BANK1: variants seen among roughly 807,000 people sequenced by gnomAD.
BANK1 encodes B-cell scaffold protein with ankyrin repeats.
In BANK1, 95 loss-of-function variants were observed where a neutral mutation model predicts 94.5. The observed-to-expected ratio is 1.00, with a 90% CI of 0.85 to 1.19. The LOEUF (loss-of-function observed/expected upper bound fraction) is 1.19. Among genes scored for constraint, BANK1 ranks in the 50% most tolerant of loss-of-function variants. The pLI, the probability that BANK1 is intolerant of heterozygous loss-of-function variation, is 0.00. For missense variants in BANK1, 987 were observed against 932.2 expected, an observed-to-expected ratio of 1.06 and a Z score of -0.77; for synonymous variants, 334 against 308.4, an observed-to-expected ratio of 1.08 and a Z score of -0.87.
At position 102,058,809 on chromosome 4, in the gene BANK1, T is replaced by TA. The variant is rs1000373192; in HGVS notation, c.1970-1392dup. On this transcript the variant is annotated intron_variant, in intron 11 of 16. Transcript: ENST00000322953. Reference sequence around the variant, plus strand: ...ATGGAAATGGTGAGAAGGGAAAAAGTAAAAAAAAAATAATAATAATAAAAA... The same window carrying TA: ...ATGGAAATGGTGAGAAGGGAAAAAGTAAAAAAAAAAATAATAATAATAAAAA... 7.0e-4 allele frequency among the ~76,000 whole-genome samples: 101 copies of TA among 144,728 alleles called. 1 individual carries two copies. The highest frequency in any genetic ancestry group is 2.8e-3 in the East Asian group (14 of 4,990). 94.9% of individuals were successfully genotyped at this position (144,728 alleles called of 152,430 possible). A position where few individuals can be genotyped will look rare whatever the true frequency, so the allele number is the denominator to read the frequency against.
intron 7 of BANK1, among the ~76,000 whole-genome samples, chr4:101,986,978 T>G (rs1204851227): frequency 1.2e-5 from 1 of 82,006 alleles, no homozygotes; most frequent in Admixed American, 1.2e-4. Context: ...AACCTCAACT[T>G]GTCTAGAAAG....
At chr4:102,021,085 T>A (rs1726881398) in intron 7 of BANK1, among the ~76,000 whole-genome samples, 1 of 152,166 alleles carries the variant, frequency 6.6e-6, no homozygotes. Context: ...AATAAACCAC[T>A]TTATAATTTC....
At chr4:101,928,342 T>C (rs961958515) in intron 7 of BANK1, among the ~76,000 whole-genome samples, 1 of 151,424 alleles carries the variant, frequency 6.6e-6, no homozygotes, top group African/African-American at 2.4e-5. Context: ...TTCAAGAAAA[T>C]GTAGAGGAGG....
At position 101,790,866 on chromosome 4, in the gene BANK1, G is replaced by A. The variant is rs1222541859; in HGVS notation, c.-15G>A. On this transcript the variant is annotated 5_prime_UTR_variant, in exon 1 of 17. Coordinates refer to ENST00000322953, the MANE Select transcript of BANK1 (RefSeq NM_017935.5). Reference sequence around the variant, plus strand: ...CGGGCAGCAGTGCGCAGGCCCCTCGGCTTCAACCGCCACAATGCTGCCAGC... The same window carrying A: ...CGGGCAGCAGTGCGCAGGCCCCTCGACTTCAACCGCCACAATGCTGCCAGC... The A allele has an allele frequency of 2.6e-6, 4 of 1,536,720 alleles. No individual in the cohort carries two copies. Among genetic ancestry groups the A allele is most frequent in the Middle Eastern group, 1.9e-4 (1 of 5,350 alleles).
rs181662515 is a variant in BANK1, at chr4:101,821,224, T to C, written c.71-8584T>C. Among the ~76,000 whole-genome samples, 83 of 152,376 alleles carry C rather than the reference T, an allele frequency of 5.4e-4. 3 individuals carry two copies. Among genetic ancestry groups the C allele is most frequent in the East Asian group, 3.9e-3 (20 of 5,194 alleles). ...CAGTGATATTGAGGTTTTTTCCATA[T>C]GATTGTTGGCCACATGTATGTCTTC... On this transcript the variant is annotated intron_variant, in intron 1 of 16. Transcript: ENST00000322953.
chr4:102,038,295 T>C (rs1727588067), intron 10 of BANK1, among the ~76,000 whole-genome samples: 1 of 152,168 alleles, frequency 6.6e-6, no homozygotes. Context: ...CAAGTTACTT[T>C]TGATAATCAC....
At chr4:101,893,686 A>T (rs1403936765) in intron 5 of BANK1, among the ~76,000 whole-genome samples, 1 of 152,030 alleles carries the variant, frequency 6.6e-6, no homozygotes, top group Non-Finnish European at 1.5e-5. Flanking sequence ...ACTAATATAA[A>T]ATTGTGTCAT....
chr4:101,841,829 T>G (rs998157596), intron 2 of BANK1, among the ~76,000 whole-genome samples: 2 of 130,668 alleles, frequency 1.5e-5, no homozygotes, highest in Non-Finnish European at 3.1e-5. Flanking sequence ...CCTGTGTCCA[T>G]GTGTTCTCAT....
intron 1 of BANK1, among the ~76,000 whole-genome samples, chr4:101,820,388 A>T (rs1417410863): frequency 6.6e-6 from 1 of 152,206 alleles, no homozygotes; most frequent in Admixed American, 6.5e-5. Context: ...GCAACCAGTG[A>T]GGGATGTTGG....
chr4:101,802,162 C>A (rs139979022), intron 1 of BANK1, among the ~76,000 whole-genome samples: 2,997 of 152,326 alleles, frequency 0.02, 52 homozygotes, highest in South Asian at 0.041. Context: ...TCCCTTCCCA[C>A]TTTCAGTATC....
intron 7 of BANK1, among the ~76,000 whole-genome samples, chr4:101,966,297 CT>C (rs1250741887): frequency 3.3e-5 from 5 of 151,790 alleles, no homozygotes; most frequent in Non-Finnish European, 7.4e-5. Context: ...TAAAAAATAC[CT>C]GATTTTGGTT....
intron 7 of BANK1, among the ~76,000 whole-genome samples, chr4:101,949,286 T>C (rs1231856061): frequency 6.6e-6 from 1 of 152,132 alleles, no homozygotes; most frequent in Non-Finnish European, 1.5e-5. Flanking sequence ...AAAGCAAAGA[T>C]ATGCAAACTC....
intron 7 of BANK1, among the ~76,000 whole-genome samples, chr4:101,938,218 C>A (rs780757702): frequency 4.0e-5 from 6 of 151,326 alleles, no homozygotes; most frequent in Admixed American, 3.3e-4. Flanking sequence ...GCACACGTAT[C>A]CCAGAGTTTA....
intron 7 of BANK1, among the ~76,000 whole-genome samples, chr4:101,999,220 G>T (rs995220262): frequency 6.6e-6 from 1 of 152,110 alleles, no homozygotes; most frequent in African/African-American, 2.4e-5. Context: ...TAAAGCTCAT[G>T]CCCTCCAGTT....
chr4:102,040,994 A>G lies in BANK1; in HGVS notation c.1901-2845A>G, dbSNP rs192336903. ...CATCTTCTGTGCCAAGTTGGCTAGT[A>G]TTCTGGTATACAACTTTTTGGTTAC... On this transcript the variant is annotated intron_variant, in intron 10 of 16. Coordinates refer to ENST00000322953, the MANE Select transcript of BANK1 (RefSeq NM_017935.5). Among the ~76,000 whole-genome samples the G allele has an allele frequency of 1.3e-3, 193 of 152,198 alleles. 2 individuals carry two copies. Among genetic ancestry groups the G allele is most frequent in the African/African-American group, 4.3e-3 (179 of 41,558 alleles).
In BANK1 at chr4:101,880,634, A is replaced by G. The variant is rs568607132; in HGVS notation, c.903+9990A>G. ...AGAATAGCCAAAGCAACTCTAAGCA[A>G]AAGAAATTGGATGAATAACATTACC... On this transcript the variant is annotated intron_variant, in intron 5 of 16. Transcript: ENST00000322953. 1.2e-4 allele frequency among the ~76,000 whole-genome samples: 18 copies of G among 152,262 alleles called. 1 individual carries two copies. Among genetic ancestry groups the G allele is most frequent in the African/African-American group, 3.6e-4 (15 of 41,576 alleles).
intron 6 of BANK1, among the ~76,000 whole-genome samples, chr4:101,897,114 T>C (rs1455932332): frequency 6.6e-6 from 1 of 151,928 alleles, no homozygotes; most frequent in Non-Finnish European, 1.5e-5. Context: ...AATTGACCCA[T>C]CTCCTCATCT....
At chr4:101,795,359 G>A (rs1207826921) in intron 1 of BANK1, among the ~76,000 whole-genome samples, 3 of 23,756 alleles carry the variant, frequency 1.3e-4, no homozygotes, top group Non-Finnish European at 2.4e-4. Context: ...ATAATTCACT[G>A]TGTTCTTTTA....
chr4:101,973,792 A>G (rs1300090990), intron 7 of BANK1, among the ~76,000 whole-genome samples: 1 of 152,058 alleles, frequency 6.6e-6, no homozygotes, highest in African/African-American at 2.4e-5. Context: ...TTGCATATAA[A>G]ACATTTCTAC....
Sources: gnomAD v4.1 joint callset for allele counts (sites outside exome capture counted in the v4.1 genomes callset) on GRCh38, gnomAD v4.1.1 for gene constraint, MANE v1.5 for transcripts, NCBI Gene and HGNC (gene_info 2026-07-23, HGNC 2026-07-21) for gene names.